PIWIL2: variants seen among roughly 807,000 people sequenced by gnomAD.
The protein encoded by PIWIL2 is piwi like RNA-mediated gene silencing 2, also known as piwi-like protein 2.
PIWIL2 carries 81 observed loss-of-function variants against 116.5 expected under a neutral mutation model. The ratio of observed to expected loss-of-function variants is 0.70; its 90% CI spans 0.58 to 0.84. PIWIL2 has a LOEUF of 0.84. Ranked by LOEUF, PIWIL2 falls within the 40% of genes least tolerant of loss-of-function variation. The pLI, the probability that PIWIL2 is intolerant of heterozygous loss-of-function variation, is 0.00. For synonymous variants in PIWIL2, 489 were observed against 429.5 expected (o/e 1.14, Z -1.71); for missense variants, 1,272 against 1,212.3 (o/e 1.05, Z -0.73).
At chr8:22,320,106 G>A (rs1831560548) in intron 20 of PIWIL2, among the ~76,000 whole-genome samples, 1 of 151,994 alleles carries the variant, frequency 6.6e-6, no homozygotes, top group Non-Finnish European at 1.5e-5. Flanking sequence ...GGGATTATAG[G>A]CATGTGACAC....
At position 22,289,868 on chromosome 8, in the gene PIWIL2, G is replaced by A. The variant is rs371128730; in HGVS notation, c.1008G>A (p.Met336Ile). Residue 336 changes from methionine to isoleucine, a missense_variant, in exon 9 of 23, where the codon ATG becomes ATA. Transcript: ENST00000356766. The part of the protein sequence containing the change: ...VFRRVMKLLD[M>I]KLVGRNFYDP... ...TCAGGGTAATGAAACTTTTAGATATGAAGCTTGTGGGGAGAAACTTTTATG... is the reference window on the plus strand; with the variant it reads ...TCAGGGTAATGAAACTTTTAGATATAAAGCTTGTGGGGAGAAACTTTTATG... 18 of 1,609,698 alleles carry A rather than the reference G, an allele frequency of 1.1e-5. No individual in the cohort carries two copies. Among genetic ancestry groups the A allele is most frequent in the Non-Finnish European group, 1.4e-5 (17 of 1,176,054 alleles).
rs568008012 is a variant in PIWIL2 at position 22,304,105 on chromosome 8, T to C, written c.1266T>C (p.Tyr422=). ...TTGGCAATATTGTTATCACCCGATATAACAATCGTACCTATCGTATTGATG... is the reference window on the plus strand; with the variant it reads ...TTGGCAATATTGTTATCACCCGATACAACAATCGTACCTATCGTATTGATG... ...LLVGNIVITR[Y]NNRTYRIDDV... The change falls in exon 11 of 23, where the codon TAT becomes TAC. Residue 422 remains tyrosine (Y), a synonymous_variant. Transcript: ENST00000356766. 6.8e-6 allele frequency: 11 copies of C among 1,611,976 alleles called. No homozygotes were observed. Among genetic ancestry groups the C allele is most frequent in the African/African-American group, 4.0e-5 (3 of 75,018 alleles).
At chr8:22,309,118 C>G (rs1290799350) in intron 14 of PIWIL2, among the ~76,000 whole-genome samples, 1 of 151,708 alleles carries the variant, frequency 6.6e-6, no homozygotes, top group African/African-American at 2.4e-5. Flanking sequence ...CGTGCCACCA[C>G]GTCCGGCTAA....
At chr8:22,311,956 A>C (rs1831342549) in intron 16 of PIWIL2, among the ~76,000 whole-genome samples, 1 of 152,036 alleles carries the variant, frequency 6.6e-6, no homozygotes, top group South Asian at 2.1e-4. Flanking sequence ...TCTTTTTTTA[A>C]ATTTTTTTTT....
chr8:22,291,520 T>C (rs912445149), intron 10 of PIWIL2, among the ~76,000 whole-genome samples: 1 of 152,208 alleles, frequency 6.6e-6, no homozygotes, highest in Non-Finnish European at 1.5e-5. Context: ...CTGATTTTTT[T>C]AGGCCATGTA....
At chr8:22,299,972 C>T (rs536932058) in intron 10 of PIWIL2, among the ~76,000 whole-genome samples, 1 of 151,778 alleles carries the variant, frequency 6.6e-6, no homozygotes, top group South Asian at 2.1e-4. Flanking sequence ...CAGAATCTCT[C>T]CCTGTCACCC....
At chr8:22,333,972 TG>T (rs1307142508) in intron 20 of PIWIL2, among the ~76,000 whole-genome samples, 5 of 150,536 alleles carry the variant, frequency 3.3e-5, no homozygotes, top group Non-Finnish European at 7.4e-5. Flanking sequence ...AGTTTTTTTG[TG>T]TTTTTTTTTT....
chr8:22,322,250 C>T (rs73227805), intron 20 of PIWIL2, among the ~76,000 whole-genome samples: 7,075 of 151,794 alleles, frequency 0.047, 341 homozygotes, highest in African/African-American at 0.12. Flanking sequence ...ATACATGCCC[C>T]TCCCCCCCAC....
intron 14 of PIWIL2, among the ~76,000 whole-genome samples, chr8:22,308,902 T>C (rs910015898): frequency 1.3e-5 from 2 of 152,004 alleles, no homozygotes; most frequent in African/African-American, 2.4e-5. Context: ...CCGCCTACCT[T>C]AGCCTCCCAA....
chr8:22,305,162 T>G (rs2132032190), intron 12 of PIWIL2, among the ~76,000 whole-genome samples: 1 of 149,406 alleles, frequency 6.7e-6, no homozygotes, highest in South Asian at 2.1e-4. Context: ...TGAGGAAAGG[T>G]ATAGATATTC....
intron 16 of PIWIL2, among the ~76,000 whole-genome samples, chr8:22,312,033 G>A (rs1831344767): frequency 6.6e-6 from 1 of 152,062 alleles, no homozygotes; most frequent in Non-Finnish European, 1.5e-5. Context: ...GGATGCTGAG[G>A]TGGGCGGGTT....
intron 20 of PIWIL2, among the ~76,000 whole-genome samples, chr8:22,327,402 T>A (rs2132073787): frequency 6.8e-6 from 1 of 146,686 alleles, no homozygotes; most frequent in South Asian, 2.2e-4. Context: ...AGTTTCACTC[T>A]TGTTGCCCAG....
At chr8:22,349,417 G>GTATATATATATATATA (rs1431825878) in intron 20 of PIWIL2, among the ~76,000 whole-genome samples, 276 of 134,510 alleles carry the variant, frequency 2.1e-3, no homozygotes, top group Non-Finnish European at 3.5e-3. Flanking sequence ...ATATGTGTGT[G>GTATATATATATATATA]TGTATATATA....
At chr8:22,306,971 A>G (rs1042783816) in intron 13 of PIWIL2, among the ~76,000 whole-genome samples, 23 of 152,230 alleles carry the variant, frequency 1.5e-4, no homozygotes, top group African/African-American at 5.1e-4. Context: ...CTTCCTGCAT[A>G]CCTGTTAGAT....
Position 22,284,280 on chromosome 8 carries a change from C to G in PIWIL2, c.743+8C>G, listed in dbSNP as rs757572636. ...ATATCATGTGACTTTCAGGTATTCA[C>G]AGCTTTCCTTTGTATTGTTCACTTC... On this transcript the variant is annotated splice_region_variant and intron_variant, in intron 6 of 22. Transcript: ENST00000356766. 4.3e-6 allele frequency: 6 copies of G among 1,410,878 alleles called. No individual in the cohort carries two copies. The Admixed American group carries it at 9.8e-5, about 23-fold the overall frequency. The allele number at this position is 1,410,878 out of a possible 1,614,324, so 87.4% of individuals were successfully genotyped here.
rs1213997968 is a variant in PIWIL2 at position 22,304,021 on chromosome 8, G to C, written c.1182G>C (p.Met394Ile). Reference protein sequence around the residue: ...VIRNDCVLDVMHAIYQQNKEH... With the variant: ...VIRNDCVLDVIHAIYQQNKEH... ...AAAAGTCTTTTATCTCTTTCCAAAG[G>C]CATGCCATTTATCAGCAGAATAAAG... The change falls in exon 11 of 23, where the codon ATG (methionine) becomes ATC (isoleucine). Residue 394 changes from methionine (M) to isoleucine (I), a missense_variant and splice_region_variant. Met to Ile is a conservative substitution (Grantham distance 10). Coordinates refer to ENST00000356766, the MANE Select transcript of PIWIL2 (RefSeq NM_018068.5). The C allele has an allele frequency of 8.7e-6, 14 of 1,607,528 alleles. No individual in the cohort carries two copies. The highest frequency in any genetic ancestry group is 1.2e-5 in the Non-Finnish European group (14 of 1,175,974).
chr8:22,289,152 C>CTT (rs374688951), intron 8 of PIWIL2, among the ~76,000 whole-genome samples: 28 of 135,276 alleles, frequency 2.1e-4, no homozygotes, highest in South Asian at 2.3e-4. Flanking sequence ...TTTCTTTTTT[C>CTT]TTTTTTTTTT....
chr8:22,321,723 A>G (rs1487913223), intron 20 of PIWIL2: 1 of 209,578 alleles, frequency 4.8e-6, no homozygotes, highest in Non-Finnish European at 8.3e-6. Flanking sequence ...ATAAAAAATA[A>G]ACGATTTTGA....
intron 20 of PIWIL2, among the ~76,000 whole-genome samples, chr8:22,320,103 T>C (rs1831560328): frequency 6.6e-6 from 1 of 151,782 alleles, no homozygotes. Flanking sequence ...GCTGGGATTA[T>C]AGGCATGTGA....
Sources: gnomAD v4.1 joint callset for allele counts (sites outside exome capture counted in the v4.1 genomes callset) on GRCh38, gnomAD v4.1.1 for gene constraint, MANE v1.5 for transcripts, NCBI Gene and HGNC (gene_info 2026-07-23, HGNC 2026-07-21) for gene names.